TRAPPC9: variants seen among roughly 807,000 people sequenced by gnomAD.
The protein encoded by TRAPPC9 is trafficking protein particle complex subunit 9.
Under a neutral mutation model 124.0 loss-of-function variants are expected in TRAPPC9, and 83 were observed. The observed-to-expected ratio is 0.67, with a 90% CI of 0.56 to 0.80. TRAPPC9 has a LOEUF of 0.80. Ranked by LOEUF, TRAPPC9 falls within the 30% of genes least tolerant of loss-of-function variation. TRAPPC9 has a pLI of 0.00. For synonymous variants in TRAPPC9, 638 were observed against 617.5 expected (o/e 1.03, Z -0.49); for missense variants, 1,302 against 1,508.3 (o/e 0.86, Z 2.27).
At chr8:140,129,949 C>T (rs2061174101) in intron 17 of TRAPPC9, among the ~76,000 whole-genome samples, 1 of 152,188 alleles carries the variant, frequency 6.6e-6, no homozygotes, top group African/African-American at 2.4e-5. Context: ...CTTCAGGCCC[C>T]AACTGTGGCT....
intron 5 of TRAPPC9, among the ~76,000 whole-genome samples, chr8:140,425,961 AT>A (rs2070408073): frequency 6.6e-6 from 1 of 152,208 alleles, no homozygotes; most frequent in African/African-American, 2.4e-5. Flanking sequence ...CAGAGCCAAG[AT>A]GCACGAGGCG....
chr8:140,092,076 CAAA>C (rs531147407), intron 17 of TRAPPC9, among the ~76,000 whole-genome samples: 2 of 78,164 alleles, frequency 2.6e-5, no homozygotes, highest in Admixed American at 1.4e-4. Context: ...CCAAGCACTC[CAAA>C]AAAAAAAAAA....
At chr8:140,393,962 C>G (rs966200050) in intron 7 of TRAPPC9, among the ~76,000 whole-genome samples, 3 of 152,102 alleles carry the variant, frequency 2.0e-5, no homozygotes, top group African/African-American at 7.2e-5. Context: ...CTGTCCCCGC[C>G]CGCCCAGCAT....
intron 17 of TRAPPC9, among the ~76,000 whole-genome samples, chr8:140,055,197 A>G (rs1842228640): frequency 6.6e-6 from 1 of 152,236 alleles, no homozygotes; most frequent in African/African-American, 2.4e-5. Context: ...TTATCTCTGG[A>G]TGCAAGGAAG....
intron 19 of TRAPPC9, among the ~76,000 whole-genome samples, chr8:139,956,536 T>G (rs890734217): frequency 2.6e-5 from 4 of 152,236 alleles, no homozygotes; most frequent in Admixed American, 2.6e-4. Context: ...GGCCTACGCC[T>G]GACCTATTTC....
In TRAPPC9 at chr8:140,033,664, T is replaced by TGG. The variant is rs61417850; in HGVS notation, c.2557-9586_2557-9585insCC. Among the ~76,000 whole-genome samples, 17 of 76,268 alleles carry TGG rather than the reference T, an allele frequency of 2.2e-4. 1 individual carries two copies. The highest frequency in any genetic ancestry group is 4.5e-4 in the African/African-American group (4 of 8,808). The allele number at this position is 76,268 out of a possible 152,430, so 50.0% of individuals were successfully genotyped here. A position where few individuals can be genotyped will look rare whatever the true frequency, so the allele number is the denominator to read the frequency against. On this transcript the variant is annotated intron_variant, in intron 17 of 22. Coordinates refer to ENST00000438773, the MANE Select transcript of TRAPPC9 (RefSeq NM_001160372.4). The stretch of plus-strand genomic sequence containing the variant: ...TGCAACTCTTCATAATGTGGTTTTT[T>TGG]TTTTTTTTTTTTTTTTTTTTTTTTT...
intron 19 of TRAPPC9, among the ~76,000 whole-genome samples, chr8:139,955,605 A>G (rs534354337): frequency 1.8e-4 from 28 of 152,330 alleles, no homozygotes; most frequent in African/African-American, 5.1e-4. Flanking sequence ...GCAATGCAGG[A>G]TTCCTCGAGA....
intron 17 of TRAPPC9, among the ~76,000 whole-genome samples, chr8:140,106,995 A>T (rs1013609751): frequency 2.6e-5 from 4 of 152,238 alleles, no homozygotes; most frequent in South Asian, 4.1e-4. Flanking sequence ...CCTGAGCTCC[A>T]TGAGCGCCAG....
intron 21 of TRAPPC9, among the ~76,000 whole-genome samples, chr8:139,752,049 ATCTC>A (rs893852506): frequency 1.3e-5 from 2 of 150,466 alleles, no homozygotes; most frequent in African/African-American, 4.9e-5. Flanking sequence ...TCACCCATCC[ATCTC>A]TCTACCATCC....
intron 16 of TRAPPC9, among the ~76,000 whole-genome samples, chr8:140,231,787 C>T (rs1288443820): frequency 6.6e-6 from 1 of 151,204 alleles, no homozygotes; most frequent in Non-Finnish European, 1.5e-5. Flanking sequence ...GCACATAAAA[C>T]AACACTTTCC....
At chr8:139,962,433 T>C (rs1351702213) in intron 19 of TRAPPC9, among the ~76,000 whole-genome samples, 1 of 125,424 alleles carries the variant, frequency 8.0e-6, no homozygotes. Flanking sequence ...TGTTCTCTTT[T>C]TTTCATTCAT....
At chr8:140,056,926 T>C (rs1842318154) in intron 17 of TRAPPC9, among the ~76,000 whole-genome samples, 2 of 152,194 alleles carry the variant, frequency 1.3e-5, no homozygotes, top group Non-Finnish European at 2.9e-5. Flanking sequence ...GATAAGGGAT[T>C]AATATCCAAA....
chr8:139,992,214 A>C (rs1837693299), intron 18 of TRAPPC9, among the ~76,000 whole-genome samples: 1 of 152,354 alleles, frequency 6.6e-6, no homozygotes, highest in African/African-American at 2.4e-5. Context: ...AAATAAATCT[A>C]ACAAAATATA....
At chr8:140,122,876 G>A (rs781368615) in intron 17 of TRAPPC9, among the ~76,000 whole-genome samples, 21 of 152,238 alleles carry the variant, frequency 1.4e-4, no homozygotes, top group Non-Finnish European at 2.4e-4. Flanking sequence ...TTGTGAGGCT[G>A]GGGTCAGAAA....
intron 16 of TRAPPC9, among the ~76,000 whole-genome samples, chr8:140,237,132 G>A (rs1039612792): frequency 1.3e-5 from 2 of 152,054 alleles, no homozygotes. Context: ...AGTGAGCCGA[G>A]ATCATGCCAC....
intron 21 of TRAPPC9, among the ~76,000 whole-genome samples, chr8:139,800,891 G>GCCCTCCGGTACCTTCCCT (rs1305832010): frequency 0.017 from 1,119 of 66,506 alleles, 9 homozygotes; most frequent in Middle Eastern, 0.033. Flanking sequence ...GTATCTTCCC[G>GCCCTCCGGTACCTTCCCT]CCCTCCGGTA....
At chr8:140,366,675 T>A (rs1430363759) in intron 8 of TRAPPC9, among the ~76,000 whole-genome samples, 1 of 152,236 alleles carries the variant, frequency 6.6e-6, no homozygotes, top group Non-Finnish European at 1.5e-5. Flanking sequence ...TAATGTTATA[T>A]CTTTAGATAA....
chr8:140,327,140 C>G (rs1242717097), intron 9 of TRAPPC9, among the ~76,000 whole-genome samples: 2 of 152,196 alleles, frequency 1.3e-5, no homozygotes, highest in East Asian at 3.9e-4. Context: ...GTTGTCCCAG[C>G]TACTCGGGAG....
At chr8:139,955,342 T>A (rs2665921) in intron 19 of TRAPPC9, among the ~76,000 whole-genome samples, 2 of 151,934 alleles carry the variant, frequency 1.3e-5, no homozygotes, top group Admixed American at 1.3e-4. Flanking sequence ...GTGGGTTCTT[T>A]GCATGCTGTG....
Sources: gnomAD v4.1 joint callset for allele counts (sites outside exome capture counted in the v4.1 genomes callset) on GRCh38, gnomAD v4.1.1 for gene constraint, MANE v1.5 for transcripts, NCBI Gene and HGNC (gene_info 2026-07-23, HGNC 2026-07-21) for gene names.